Variants in FBXW7 observed in about 807,000 individuals in gnomAD.
FBXW7 encodes F-box and WD repeat domain containing 7, also known as F-box/WD repeat-containing protein 7.
A neutral mutation model predicts 86.3 loss-of-function variants in FBXW7; 11 were observed. The observed-to-expected ratio is 0.13, with a 90% CI of 0.08 to 0.21. The LOEUF (loss-of-function observed/expected upper bound fraction) is 0.21, where lower values mean the gene tolerates loss of function less well. FBXW7 is among the 10% of genes least tolerant of loss of function. The probability of loss-of-function intolerance (pLI) is 1.00; values close to 1 mark genes in which losing one functional copy is unlikely to be tolerated. For missense variants in FBXW7, 488 were observed against 847.4 expected (o/e 0.58, Z 5.27); for synonymous variants, 313 against 297.9 (o/e 1.05, Z -0.52).
chr4:152,375,431 C>T (rs894729841), intron 4 of FBXW7, among the ~76,000 whole-genome samples: 14 of 151,882 alleles, frequency 9.2e-5, no homozygotes, highest in African/African-American at 2.9e-4. Flanking sequence ...AAACACAGAT[C>T]ACAGTTTTAA....
intron 2 of FBXW7, among the ~76,000 whole-genome samples, chr4:152,500,376 T>C (rs1163470916): frequency 6.6e-6 from 1 of 151,906 alleles, no homozygotes; most frequent in East Asian, 1.9e-4. Context: ...ATTCAGAATC[T>C]CTGATAACTG....
chr4:152,397,437 C>G (rs1218793177), intron 4 of FBXW7, among the ~76,000 whole-genome samples: 1 of 151,774 alleles, frequency 6.6e-6, no homozygotes, highest in African/African-American at 2.4e-5. Flanking sequence ...TTTCTAAAGA[C>G]AGAGTCTCAC....
chr4:152,388,951 T>A (rs1259076093), intron 4 of FBXW7, among the ~76,000 whole-genome samples: 1 of 151,908 alleles, frequency 6.6e-6, no homozygotes, highest in Non-Finnish European at 1.5e-5. Context: ...CCAAATTAAC[T>A]TCATTAAAAA....
In FBXW7 at chr4:152,411,312, T is replaced by C. The variant is rs375582358; in HGVS notation, c.492A>G (p.Lys164=). ...TATTGAATATACTCACTTTTGTTGT[T>C]TTTGTATAGAATGGGGAGGAGAGTT... The part of the protein sequence containing the change: ...VHQLSSPFYT[K]TTKMKRKLDH... Residue 164 remains lysine (K), a synonymous_variant, in exon 4 of 14, where the codon AAA becomes AAG. Transcript: ENST00000281708. 2.1e-5 allele frequency: 33 copies of C among 1,598,178 alleles called. No homozygotes were observed. In the Middle Eastern group the frequency reaches 6.7e-4, roughly 32 times the overall value.
chr4:152,394,103 C>A (rs1201393196), intron 4 of FBXW7, among the ~76,000 whole-genome samples: 1 of 152,002 alleles, frequency 6.6e-6, no homozygotes, highest in Non-Finnish European at 1.5e-5. Context: ...TAAAATGTAT[C>A]CTAAAGATAA....
At chr4:152,489,120 T>C (rs954754462) in intron 2 of FBXW7, among the ~76,000 whole-genome samples, 17 of 152,150 alleles carry the variant, frequency 1.1e-4, no homozygotes, top group Non-Finnish European at 2.4e-4. Context: ...CACAGATGCA[T>C]CAAACACCAA....
intron 4 of FBXW7, among the ~76,000 whole-genome samples, chr4:152,372,197 G>A (rs1734062396): frequency 6.6e-6 from 1 of 151,824 alleles, no homozygotes; most frequent in Non-Finnish European, 1.5e-5. Flanking sequence ...ATAAACTTTA[G>A]GTACTCATCT....
intron 4 of FBXW7, among the ~76,000 whole-genome samples, chr4:152,408,055 C>T (rs1237296718): frequency 2.0e-5 from 3 of 151,872 alleles, no homozygotes; most frequent in African/African-American, 4.8e-5. Context: ...TGGATAAAAA[C>T]GATTTAATTA....
rs189374386 is a variant in FBXW7, at chr4:152,496,049, C to A, written c.-120+38892G>T. ...AAAATTGGTTGGGTGTGGTGACATGCACCTGTGGTCCCAGCTACTTGGGAA... is the reference window on the plus strand; with the variant it reads ...AAAATTGGTTGGGTGTGGTGACATGAACCTGTGGTCCCAGCTACTTGGGAA... On this transcript the variant is annotated intron_variant, in intron 2 of 13. Transcript: ENST00000281708. 1.6e-3 allele frequency among the ~76,000 whole-genome samples: 241 copies of A among 152,200 alleles called. 3 individuals are homozygous for A. The highest frequency in any genetic ancestry group is 5.7e-3 in the African/African-American group (235 of 41,538).
chr4:152,357,325 C>T (rs201424454), intron 4 of FBXW7, among the ~76,000 whole-genome samples: 2,539 of 139,250 alleles, frequency 0.018, 28 homozygotes, highest in Middle Eastern at 0.04. Flanking sequence ...GTAGTTTTTT[C>T]TTTTTTTTTT....
chr4:152,447,077 GATA>G (rs924295777), intron 2 of FBXW7, among the ~76,000 whole-genome samples: 2 of 152,162 alleles, frequency 1.3e-5, no homozygotes, highest in African/African-American at 4.8e-5. Context: ...GACTAGCACA[GATA>G]ATATTTTCAA....
intron 4 of FBXW7, among the ~76,000 whole-genome samples, chr4:152,381,717 T>C (rs1205648753): frequency 1.3e-5 from 2 of 152,084 alleles, no homozygotes; most frequent in East Asian, 3.9e-4. Flanking sequence ...GTAGTGTTCC[T>C]ATTAAGTTTG....
intron 2 of FBXW7, among the ~76,000 whole-genome samples, chr4:152,471,511 TG>T (rs2149652688): frequency 2.8e-5 from 1 of 35,812 alleles, no homozygotes; most frequent in East Asian, 1.3e-3. Flanking sequence ...GGGAAGGGAA[TG>T]GGGAGGGAGG....
intron 2 of FBXW7, among the ~76,000 whole-genome samples, chr4:152,483,240 T>A (rs1745045069): frequency 6.6e-6 from 1 of 152,148 alleles, no homozygotes; most frequent in Admixed American, 6.6e-5. Flanking sequence ...ATTTTATTAA[T>A]TTTTAGAAGG....
chr4:152,481,907 T>C (rs545483405), intron 2 of FBXW7, among the ~76,000 whole-genome samples: 175 of 152,356 alleles, frequency 1.1e-3, no homozygotes, highest in Non-Finnish European at 5.4e-4. Flanking sequence ...GTGAACATCA[T>C]TGAAATAATA....
chr4:152,485,237 A>C (rs969293192), intron 2 of FBXW7, among the ~76,000 whole-genome samples: 1 of 152,138 alleles, frequency 6.6e-6, no homozygotes, highest in African/African-American at 2.4e-5. Flanking sequence ...TAGTTATGTC[A>C]AGATAAGTAA....
At chr4:152,485,782 T>C (rs983070974) in intron 2 of FBXW7, among the ~76,000 whole-genome samples, 1 of 152,134 alleles carries the variant, frequency 6.6e-6, no homozygotes, top group African/African-American at 2.4e-5. Context: ...CAAAGCAAAC[T>C]GGTGCTATAA....
chr4:152,321,346 G>T lies in FBXW7; in HGVS notation c.*1535C>A, dbSNP rs560468884. On this transcript the variant is annotated 3_prime_UTR_variant, in exon 14 of 14. Transcript: ENST00000281708. ...AAACCATAGACACAATCCCTTTAAAGGTTGTTTTCCTCCATCATGTCAGGT... is the reference window on the plus strand; with the variant it reads ...AAACCATAGACACAATCCCTTTAAATGTTGTTTTCCTCCATCATGTCAGGT... 6.9e-5 allele frequency: 16 copies of T among 232,826 alleles called. No homozygotes were observed. Among genetic ancestry groups the T allele is most frequent in the African/African-American group, 3.5e-4 (16 of 45,382 alleles). The allele number at this position is 232,826 out of a possible 1,614,324, so 14.4% of individuals were successfully genotyped here.
chr4:152,471,953 T>G (rs1196363516), intron 2 of FBXW7, among the ~76,000 whole-genome samples: 1 of 151,786 alleles, frequency 6.6e-6, no homozygotes, highest in Non-Finnish European at 1.5e-5. Context: ...CAAGCTACAG[T>G]GTAGGAGAAA....
Sources: allele counts gnomAD v4.1 joint callset (sites outside exome capture counted in the v4.1 genomes callset), GRCh38; gene constraint gnomAD v4.1.1; transcripts MANE v1.5; gene names NCBI Gene and HGNC (gene_info 2026-07-23, HGNC 2026-07-21).